Variants in EYS observed in about 807,000 individuals in gnomAD.
EYS encodes EGF-like photoreceptor maintenance factor.
EYS carries 250 observed loss-of-function variants against 282.1 expected under a neutral mutation model. The observed-to-expected ratio is 0.89, with a 90% CI of 0.80 to 0.98. EYS has a LOEUF of 0.98. Ranked by LOEUF, EYS falls within the 50% of genes least tolerant of loss-of-function variation. EYS has a pLI of 0.00. For missense variants in EYS, 4,016 were observed against 3,709.0 expected, an observed-to-expected ratio of 1.08 and a Z score of -2.15; for synonymous variants, 1,355 against 1,282.9, an observed-to-expected ratio of 1.06 and a Z score of -1.20.
intron 22 of EYS, among the ~76,000 whole-genome samples, chr6:64,715,258 G>C (rs1193535611): frequency 2.0e-5 from 3 of 152,170 alleles, no homozygotes; most frequent in Non-Finnish European, 4.4e-5. Context: ...GTTCCTTCTG[G>C]GGGTGATGGG....
intron 11 of EYS, among the ~76,000 whole-genome samples, chr6:65,334,424 C>T (rs1168855826): frequency 6.6e-6 from 1 of 151,460 alleles, no homozygotes; most frequent in East Asian, 2.0e-4. Flanking sequence ...TGCACAACCA[C>T]ACCTGGCTGA....
intron 14 of EYS, among the ~76,000 whole-genome samples, chr6:64,994,369 G>T (rs1178466456): frequency 1.3e-5 from 2 of 151,938 alleles, no homozygotes; most frequent in Non-Finnish European, 2.9e-5. Context: ...ACAATCAAAA[G>T]AAAATGCTGT....
rs1486370420 is a variant in EYS, at chr6:65,389,374, T to C, written c.1185-4874A>G. ...CCTGAATAGGCCAAGGATTTTGCAA[T>C]AGGTACTCCCTCTGCCATGAACACT... On this transcript the variant is annotated intron_variant, in intron 7 of 42. Coordinates refer to ENST00000503581, the MANE Select transcript of EYS (RefSeq NM_001142800.2). Among the ~76,000 whole-genome samples the C allele has an allele frequency of 3.3e-5, 5 of 152,254 alleles. No individual in the cohort carries two copies. In the East Asian group the frequency reaches 9.7e-4, roughly 30 times the overall value.
intron 36 of EYS, among the ~76,000 whole-genome samples, chr6:63,813,603 A>T (rs1052339141): frequency 8.5e-5 from 13 of 152,124 alleles, no homozygotes; most frequent in African/African-American, 3.1e-4. Context: ...TAAATATATA[A>T]TTTTTTGGAG....
intron 36 of EYS, among the ~76,000 whole-genome samples, chr6:63,858,840 A>T (rs980784203): frequency 6.6e-6 from 1 of 152,122 alleles, no homozygotes; most frequent in African/African-American, 2.4e-5. Context: ...GCTTAACATG[A>T]CAGAAAATTG....
chr6:64,052,923 T>C (rs1183688003), intron 33 of EYS, among the ~76,000 whole-genome samples: 1 of 152,168 alleles, frequency 6.6e-6, no homozygotes, highest in Non-Finnish European at 1.5e-5. Context: ...ATCTCTGTTC[T>C]TTATAAATTA....
intron 36 of EYS, among the ~76,000 whole-genome samples, chr6:63,846,074 C>T (rs933927639): frequency 1.3e-5 from 2 of 152,152 alleles, no homozygotes; most frequent in Non-Finnish European, 1.5e-5. Context: ...AGGGATTTTA[C>T]AATCCACAAA....
chr6:65,322,275 T>C (rs888132148), intron 11 of EYS, among the ~76,000 whole-genome samples: 1 of 152,080 alleles, frequency 6.6e-6, no homozygotes, highest in African/African-American at 2.4e-5. Context: ...GAGAAAGAAG[T>C]AGGACTCTGG....
rs145997854 is a variant in EYS at position 65,331,810 on chromosome 6, C to T, written c.1766+3170G>A. 152 of 709,066 alleles carry T rather than the reference C, an allele frequency of 2.1e-4. 2 individuals are homozygous for T. In the East Asian group the frequency reaches 6.4e-3, roughly 30 times the overall value. The allele number at this position is 709,066 out of a possible 1,614,324, so 43.9% of individuals were successfully genotyped here. A position where few individuals can be genotyped will look rare whatever the true frequency, so the allele number is the denominator to read the frequency against. ...TATCAAAATGTTTTCAATGTTTATT[C>T]GTATTGAAGCACATATCAGTAATTC... On this transcript the variant is annotated intron_variant, in intron 11 of 42. Coordinates refer to ENST00000503581, the MANE Select transcript of EYS (RefSeq NM_001142800.2).
chr6:64,467,546 T>G (rs1441234478), intron 26 of EYS, among the ~76,000 whole-genome samples: 1 of 152,156 alleles, frequency 6.6e-6, no homozygotes, highest in Non-Finnish European at 1.5e-5. Flanking sequence ...TGATCAGTTC[T>G]GCCTGCTACA....
At chr6:63,960,769 A>G (rs1481450684) in intron 35 of EYS, among the ~76,000 whole-genome samples, 1 of 152,256 alleles carries the variant, frequency 6.6e-6, no homozygotes, top group Non-Finnish European at 1.5e-5. Flanking sequence ...GTATTTTTAA[A>G]TTAAGGTATG....
chr6:65,456,238 G>A (rs1764609471), intron 5 of EYS, among the ~76,000 whole-genome samples: 1 of 151,994 alleles, frequency 6.6e-6, no homozygotes, highest in Non-Finnish European at 1.5e-5. Context: ...GAATCACGAG[G>A]TCAGGAGAGC....
intron 29 of EYS, among the ~76,000 whole-genome samples, chr6:64,351,134 T>A (rs566559421): frequency 5.4e-4 from 82 of 151,486 alleles, no homozygotes; most frequent in Non-Finnish European, 9.5e-4. Context: ...AATGGATTAA[T>A]ACATCCAGGA....
chr6:65,174,030 A>C (rs188951636), intron 12 of EYS, among the ~76,000 whole-genome samples: 4 of 151,228 alleles, frequency 2.6e-5, no homozygotes, highest in Non-Finnish European at 4.4e-5. Flanking sequence ...AAAATGAGAA[A>C]TAGGACACAC....
chr6:63,783,528 C>G (rs976415684), intron 39 of EYS, among the ~76,000 whole-genome samples: 2 of 152,122 alleles, frequency 1.3e-5, no homozygotes, highest in East Asian at 3.9e-4. Context: ...ACTAAAAATC[C>G]TATTCTCCAG....
At chr6:64,402,701 T>C (rs1381991636) in intron 28 of EYS, among the ~76,000 whole-genome samples, 1 of 152,206 alleles carries the variant, frequency 6.6e-6, no homozygotes, top group East Asian at 1.9e-4. Flanking sequence ...AATTTTGAAT[T>C]CAATATTAAA....
intron 8 of EYS, among the ~76,000 whole-genome samples, chr6:65,371,739 C>G (rs9453284): frequency 0.26 from 13,090 of 49,502 alleles, 588 homozygotes; most frequent in Non-Finnish European, 0.31. Context: ...CTCTCTCTCT[C>G]TCTGTGTGTG....
At chr6:65,110,472 A>T (rs908497390) in intron 12 of EYS, among the ~76,000 whole-genome samples, 2 of 152,116 alleles carry the variant, frequency 1.3e-5, no homozygotes, top group African/African-American at 4.8e-5. Context: ...TGGAAGGTAA[A>T]ACTTTATAGA....
At chr6:65,197,162 T>C (rs1233140172) in intron 12 of EYS, among the ~76,000 whole-genome samples, 2 of 151,970 alleles carry the variant, frequency 1.3e-5, no homozygotes, top group African/African-American at 2.4e-5. Context: ...GAAAATAGAC[T>C]CTCCTTTCAT....
Sources: allele counts gnomAD v4.1 joint callset (sites outside exome capture counted in the v4.1 genomes callset), GRCh38; gene constraint gnomAD v4.1.1; transcripts MANE v1.5; gene names NCBI Gene and HGNC (gene_info 2026-07-23, HGNC 2026-07-21).